The following FAM174A variants were observed in gnomAD, a reference collection of about 807,000 sequenced individuals.
FAM174A encodes membrane protein FAM174A.
In FAM174A, 14 loss-of-function variants were observed where a neutral mutation model predicts 14.3. The observed-to-expected ratio is 0.98, with a 90% confidence interval of 0.65 to 1.53. The LOEUF (loss-of-function observed/expected upper bound fraction) is 1.53. FAM174A is among the 40% of genes most tolerant of loss of function. The pLI is 0.00. For missense variants in FAM174A, 241 were observed against 249.6 expected (o/e 0.97, Z 0.23); for synonymous variants, 108 against 111.4 (o/e 0.97, Z 0.19).
Position 100,535,412 on chromosome 5 carries a change from G to T in FAM174A, c.-119G>T. 2.8e-6 allele frequency: 3 copies of T among 1,087,562 alleles called. No individual in the cohort carries two copies. Among genetic ancestry groups the T allele is most frequent in the Non-Finnish European group, 4.0e-6 (3 of 747,704 alleles). The allele number at this position is 1,087,562 out of a possible 1,614,324, so 67.4% of individuals were successfully genotyped here. ...GTAGCTTCTGCCACCTGCCACGACC[G>T]GGCCTCTCCCTGGCGTTTGGTCACC... On this transcript the variant is annotated 5_prime_UTR_variant, in exon 1 of 3. Coordinates refer to ENST00000312637, the MANE Select transcript of FAM174A (RefSeq NM_198507.3).
intron 2 of FAM174A, among the ~76,000 whole-genome samples, chr5:100,567,664 C>T (rs898056301): frequency 6.6e-6 from 1 of 151,678 alleles, no homozygotes; most frequent in Non-Finnish European, 1.5e-5. Flanking sequence ...TTTTTTCTCT[C>T]ATAATATGTA....
chr5:100,584,930 C>T (rs1747097550), intron 2 of FAM174A, among the ~76,000 whole-genome samples: 1 of 152,062 alleles, frequency 6.6e-6, no homozygotes, highest in Admixed American at 6.6e-5. Context: ...AAAGCAATTC[C>T]ATCATCAATA....
intron 1 of FAM174A, among the ~76,000 whole-genome samples, chr5:100,553,997 T>C (rs1746313468): frequency 6.6e-6 from 1 of 152,148 alleles, no homozygotes; most frequent in South Asian, 2.1e-4. Flanking sequence ...CAATGACAGG[T>C]TAACATATTG....
chr5:100,573,829 T>C (rs1020873611), intron 2 of FAM174A, among the ~76,000 whole-genome samples: 1 of 151,260 alleles, frequency 6.6e-6, no homozygotes, highest in Non-Finnish European at 1.5e-5. Context: ...CAAACTATAC[T>C]ACAAGGCTAC....
intron 2 of FAM174A, among the ~76,000 whole-genome samples, chr5:100,580,409 C>G (rs1746987492): frequency 6.6e-6 from 1 of 152,154 alleles, no homozygotes; most frequent in Admixed American, 6.6e-5. Flanking sequence ...ATCACAAGGT[C>G]CCACAATAAG....
chr5:100,546,792 C>T (rs10050943), intron 1 of FAM174A, among the ~76,000 whole-genome samples: 9,913 of 152,186 alleles, frequency 0.065, 412 homozygotes, highest in African/African-American at 0.11. Context: ...AAACAGTCAA[C>T]GAAATGCATC....
intron 2 of FAM174A, among the ~76,000 whole-genome samples, chr5:100,568,996 G>C (rs1746722193): frequency 6.6e-6 from 1 of 151,714 alleles, no homozygotes; most frequent in Admixed American, 6.6e-5. Flanking sequence ...TACTATACAT[G>C]AAACTTAAAC....
At chr5:100,545,992 G>A (rs1267328059) in intron 1 of FAM174A, among the ~76,000 whole-genome samples, 1 of 152,172 alleles carries the variant, frequency 6.6e-6, no homozygotes, top group Admixed American at 6.5e-5. Context: ...TCTGAGGTGA[G>A]TAGATAATTT....
chr5:100,572,030 C>A (rs1402063210), intron 2 of FAM174A, among the ~76,000 whole-genome samples: 1 of 151,828 alleles, frequency 6.6e-6, no homozygotes, highest in East Asian at 1.9e-4. Context: ...AGATGATTCC[C>A]TTGCTGACTC....
At chr5:100,543,255 C>T (rs1440322774) in intron 1 of FAM174A, among the ~76,000 whole-genome samples, 4 of 151,974 alleles carry the variant, frequency 2.6e-5, no homozygotes, top group Non-Finnish European at 5.9e-5. Context: ...GTAGGTGGGA[C>T]TACAGGCGCA....
In FAM174A at chr5:100,535,892, C is replaced by T. The variant is rs1561310034; in HGVS notation, c.362C>T (p.Thr121Ile). The change falls in exon 1 of 3, where the codon ACC becomes ATC. Residue 121 changes from threonine to isoleucine, a missense_variant. Thr to Ile is a moderately conservative substitution (Grantham distance 89). Transcript: ENST00000312637. The part of the protein sequence containing the change: ...VSPNPGDKPM[T>I]QRALTVLMVV... ...CCCAACCCTGGCGACAAGCCCATGA[C>T]CCAGCGGGCCCTGACCGTGTTGATG... 6.2e-7 allele frequency: 1 copy of T among 1,612,864 alleles called. No homozygotes were observed. The highest frequency in any genetic ancestry group is 2.2e-5 in the East Asian group (1 of 44,864).
chr5:100,542,367 G>A (rs1746074815), intron 1 of FAM174A, among the ~76,000 whole-genome samples: 1 of 152,198 alleles, frequency 6.6e-6, no homozygotes, highest in African/African-American at 2.4e-5. Flanking sequence ...CATCTACACA[G>A]TTTCTCAAAC....
intron 2 of FAM174A, among the ~76,000 whole-genome samples, chr5:100,584,227 GC>G (rs1163451120): frequency 6.6e-6 from 1 of 152,152 alleles, no homozygotes; most frequent in East Asian, 1.9e-4. Context: ...GTATGTAAGG[GC>G]AATCCTAATG....
In FAM174A at chr5:100,566,966, G is replaced by A. The variant is rs1294774435; in HGVS notation, c.569+4778G>A. ...CAAAGAAGAAAAGTAGTTAGATGGTGCAAATGCATGGGATGACTTGCATTA... is the reference window on the plus strand; with the variant it reads ...CAAAGAAGAAAAGTAGTTAGATGGTACAAATGCATGGGATGACTTGCATTA... On this transcript the variant is annotated intron_variant, in intron 2 of 2. Coordinates refer to ENST00000312637, the MANE Select transcript of FAM174A (RefSeq NM_198507.3). 2.6e-5 allele frequency among the ~76,000 whole-genome samples: 4 copies of A among 151,814 alleles called. No homozygotes were observed. In the South Asian group the frequency reaches 6.2e-4, roughly 24 times the overall value.
intron 2 of FAM174A, chr5:100,581,490 T>C: frequency 1.6e-6 from 1 of 617,032 alleles, no homozygotes; most frequent in Non-Finnish European, 2.0e-6. Flanking sequence ...TGGTGGCTCA[T>C]GCCTGTGATC....
At chr5:100,573,269 T>A (rs1274013411) in intron 2 of FAM174A, among the ~76,000 whole-genome samples, 1 of 151,970 alleles carries the variant, frequency 6.6e-6, no homozygotes, top group South Asian at 2.1e-4. Context: ...AGATCCCATT[T>A]GTCAATTTTG....
intron 2 of FAM174A, among the ~76,000 whole-genome samples, chr5:100,564,979 A>G (rs905102743): frequency 5.3e-5 from 8 of 152,032 alleles, no homozygotes; most frequent in African/African-American, 1.9e-4. Flanking sequence ...TTCTCAAATT[A>G]TTCTGACAAA....
intron 1 of FAM174A, among the ~76,000 whole-genome samples, chr5:100,554,779 G>GTCTA (rs1255831795): frequency 2.0e-5 from 3 of 152,006 alleles, no homozygotes; most frequent in South Asian, 4.2e-4. Context: ...TTATCTATCT[G>GTCTA]TCTATCTATC....
intron 2 of FAM174A, among the ~76,000 whole-genome samples, chr5:100,569,434 A>G (rs1746730442): frequency 6.6e-6 from 1 of 151,764 alleles, no homozygotes; most frequent in East Asian, 1.9e-4. Context: ...AATAGTGGCT[A>G]TAGCATAATA....
Sources: allele counts gnomAD v4.1 joint callset (sites outside exome capture counted in the v4.1 genomes callset), GRCh38; gene constraint gnomAD v4.1.1; transcripts MANE v1.5; gene names NCBI Gene and HGNC (gene_info 2026-07-23, HGNC 2026-07-21).